Variants in MYCBP2 observed in about 807,000 individuals in gnomAD.
The protein encoded by MYCBP2 is MYC binding protein 2, also known as E3 ubiquitin-protein ligase MYCBP2.
A neutral mutation model predicts 525.3 loss-of-function variants in MYCBP2; 120 were observed. The ratio of observed to expected loss-of-function variants is 0.23; its 90% CI spans 0.20 to 0.27. The LOEUF (loss-of-function observed/expected upper bound fraction) is 0.27. Among genes scored for constraint, MYCBP2 ranks in the 10% least tolerant of loss-of-function variants. The probability of loss-of-function intolerance (pLI) is 1.00; values close to 1 mark genes in which losing one functional copy is unlikely to be tolerated. For synonymous variants in MYCBP2, 1,894 were observed against 1,955.8 expected, an observed-to-expected ratio of 0.97 and a Z score of 0.83; for missense variants, 4,149 against 5,657.1, an observed-to-expected ratio of 0.73 and a Z score of 8.55.
At chr13:77,283,676 T>C (rs1411073624) in intron 3 of MYCBP2, among the ~76,000 whole-genome samples, 2 of 152,070 alleles carry the variant, frequency 1.3e-5, no homozygotes, top group African/African-American at 4.8e-5. Context: ...GCGGTCAGAC[T>C]GCTTGAGCTC....
At chr13:77,300,429 A>G (rs748955497) in intron 1 of MYCBP2, among the ~76,000 whole-genome samples, 42 of 152,242 alleles carry the variant, frequency 2.8e-4, no homozygotes, top group Admixed American at 1.9e-3. Flanking sequence ...CAAATTTCAC[A>G]TAATGCTCAC....
chr13:77,287,623 A>G (rs1450185836), intron 3 of MYCBP2, among the ~76,000 whole-genome samples: 3 of 152,138 alleles, frequency 2.0e-5, no homozygotes, highest in East Asian at 3.8e-4. Context: ...GGAAACCACA[A>G]TATCAAGAGT....
intron 28 of MYCBP2, among the ~76,000 whole-genome samples, chr13:77,190,805 T>C (rs562187843): frequency 4.6e-5 from 7 of 152,204 alleles, no homozygotes; most frequent in Non-Finnish European, 8.8e-5. Flanking sequence ...TTTTCTACAG[T>C]AGTCTCCTTG....
intron 21 of MYCBP2, among the ~76,000 whole-genome samples, chr13:77,213,344 A>G (rs1189203978): frequency 2.0e-5 from 3 of 152,036 alleles, no homozygotes; most frequent in Non-Finnish European, 4.4e-5. Flanking sequence ...GTGTGGTGGC[A>G]TGGGCCTGTA....
intron 66 of MYCBP2, 107 bp from the exon 67 acceptor site, chr13:77,077,494 A>G (rs915571293): frequency 1.5e-6 from 2 of 1,339,252 alleles, no homozygotes; most frequent in Admixed American, 2.1e-5. Context: ...AGAATTGCAC[A>G]GAGTAAAGGT....
intron 26 of MYCBP2, among the ~76,000 whole-genome samples, chr13:77,200,768 C>G (rs974636724): frequency 1.3e-5 from 2 of 152,018 alleles, no homozygotes; most frequent in Non-Finnish European, 2.9e-5. Context: ...ATTTCCAACC[C>G]AGAATTTCAT....
chr13:77,088,664 T>G (rs1387713555), intron 61 of MYCBP2, among the ~76,000 whole-genome samples, 168 bp downstream of exon 61: 2 of 152,188 alleles, frequency 1.3e-5, no homozygotes, highest in African/African-American at 4.8e-5. Context: ...TTCATTTATA[T>G]TCATAAACTT....
chr13:77,088,849 G>T lies in MYCBP2; in HGVS notation c.10708C>A (p.Arg3570=). The T allele has an allele frequency of 6.2e-7, 1 of 1,611,738 alleles. No individual in the cohort carries two copies. The highest frequency in any genetic ancestry group is 8.5e-7 in the Non-Finnish European group (1 of 1,178,532). ...CTTCATACCTCCATAGCAAAAACTCGACAAGCAGATTTCCTTAGGGCCTGT... is the reference window on the plus strand; with the variant it reads ...CTTCATACCTCCATAGCAAAAACTCTACAAGCAGATTTCCTTAGGGCCTGT... ...MKQALRKSAC[R]VFAMEAFNWL... is the part of the protein sequence containing the mutation. The change falls in exon 61 of 83, where the codon CGA becomes AGA. Residue 3570 remains arginine (R), a synonymous_variant. Coordinates refer to ENST00000544440, the MANE Select transcript of MYCBP2 (RefSeq NM_015057.5).
chr13:77,267,126 A>C (rs2074217157), intron 8 of MYCBP2, among the ~76,000 whole-genome samples: 1 of 152,084 alleles, frequency 6.6e-6, no homozygotes, highest in South Asian at 2.1e-4. Context: ...AAACAGCCTC[A>C]GAAAGTATCA....
At chr13:77,110,582 T>C (rs2048652889) in intron 55 of MYCBP2, among the ~76,000 whole-genome samples, 1 of 152,180 alleles carries the variant, frequency 6.6e-6, no homozygotes, top group Non-Finnish European at 1.5e-5. Context: ...ACCTACTCCC[T>C]GTTCTTGCAT....
rs199829350 is a variant in MYCBP2 at position 77,098,609 on chromosome 13, T to C, written c.8545A>G (p.Asn2849Asp). The C allele has an allele frequency of 1.9e-4, 299 of 1,613,582 alleles. No homozygotes were observed. The highest frequency in any genetic ancestry group is 3.3e-4 in the Middle Eastern group (2 of 6,050). The change falls in exon 56 of 83, where the codon AAT becomes GAT. Residue 2849 changes from asparagine to aspartate, a missense_variant. Physicochemically the swap from Asn to Asp is conservative, Grantham distance 23. This residue lies in a region of MYCBP2 where 653 missense variants were observed against 744.7 expected (regional missense o/e 0.88). Coordinates refer to ENST00000544440, the MANE Select transcript of MYCBP2 (RefSeq NM_015057.5). ...SPRSSSPHDK[N>D]LPQKSTAPVK... ...GGAGCAGTACTTTTTTGAGGTAGAT[T>C]TTTATCATGTGGTGAGGAGGAGCGT...
At chr13:77,113,415 TG>T (rs1180684047) in intron 55 of MYCBP2, among the ~76,000 whole-genome samples, 8 of 152,098 alleles carry the variant, frequency 5.3e-5, no homozygotes, top group Non-Finnish European at 1.2e-4. Context: ...CATGGTTTTT[TG>T]TTTTTTTTTT....
chr13:77,147,647 C>T (rs1043735269), intron 47 of MYCBP2, among the ~76,000 whole-genome samples: 12 of 151,996 alleles, frequency 7.9e-5, no homozygotes, highest in African/African-American at 1.9e-4. Flanking sequence ...ATGAGAAAAA[C>T]GCAAGTTAAG....
At chr13:77,046,820 G>C (rs2035652161) in intron 82 of MYCBP2, among the ~76,000 whole-genome samples, 1 of 152,192 alleles carries the variant, frequency 6.6e-6, no homozygotes, top group South Asian at 2.1e-4. Context: ...GATGCCAGAG[G>C]TTTGCTAGAA....
At chr13:77,069,759 T>C (rs904893243) in intron 69 of MYCBP2, among the ~76,000 whole-genome samples, 1 of 146,934 alleles carries the variant, frequency 6.8e-6, no homozygotes, top group African/African-American at 2.5e-5. Context: ...TCCCAGCTAC[T>C]CAGGAGGCTG....
intron 81 of MYCBP2, 33 bp downstream of exon 81, chr13:77,051,778 A>G: frequency 6.6e-7 from 1 of 1,512,538 alleles, no homozygotes; most frequent in Non-Finnish European, 9.2e-7. Flanking sequence ...TAACATTTCT[A>G]AACTGTTGTT....
At chr13:77,056,104 GTGTGTGTGTGTGTGTGTGTGTGTGTGT>G (rs2037950308) in intron 79 of MYCBP2, among the ~76,000 whole-genome samples, 2 of 69,636 alleles carry the variant, frequency 2.9e-5, no homozygotes, top group African/African-American at 1.1e-4. Context: ...TGTTTGGTGT[GTGTGTGTGTGTGTGTGTGTGTGTGTGT>G]GTGTGTGTGT....
In MYCBP2 at chr13:77,166,488, A is replaced by C. The variant is rs757860169; in HGVS notation, c.6181T>G (p.Ser2061Ala). The C allele has an allele frequency of 6.2e-7, 1 of 1,614,018 alleles. No individual in the cohort carries two copies. The highest frequency in any genetic ancestry group is 1.1e-5 in the South Asian group (1 of 91,072). ...EFDPQCGTAQ[S>A]EDVLRLLIPV... The stretch of plus-strand genomic sequence containing the variant: ...ATCAACAAACGAAGGACATCTTCTG[A>C]CTGTGCAGTACCACACTGAGGGTCA... The change falls in exon 41 of 83, where the codon TCA becomes GCA. Residue 2061 changes from serine to alanine, a missense_variant. Ser to Ala is a moderately conservative substitution (Grantham distance 99). This residue lies in a region of MYCBP2 where 692 missense variants were observed against 852.7 expected (regional missense o/e 0.81). Transcript: ENST00000544440.
chr13:77,319,760 GT>G (rs2081373288), intron 1 of MYCBP2, among the ~76,000 whole-genome samples: 1 of 152,156 alleles, frequency 6.6e-6, no homozygotes, highest in Admixed American at 6.5e-5. Context: ...CATGCCAAGC[GT>G]TATCAGTATT....
Sources: allele counts gnomAD v4.1 joint callset (sites outside exome capture counted in the v4.1 genomes callset), GRCh38; gene constraint gnomAD v4.1.1; regional missense constraint gnomAD v4.1.1; transcripts MANE v1.5; gene names NCBI Gene and HGNC (gene_info 2026-07-23, HGNC 2026-07-21).